BTBD9: variants seen among roughly 807,000 people sequenced by gnomAD.
BTBD9 encodes BTB domain containing 9.
In BTBD9, 49 loss-of-function variants were observed where a neutral mutation model predicts 64.3. That is an observed-to-expected ratio of 0.76 (90% confidence interval 0.61 to 0.97). The LOEUF is 0.97. Ranked by LOEUF, BTBD9 falls within the 50% of genes least tolerant of loss-of-function variation. The probability of loss-of-function intolerance (pLI) is 0.00; values close to 1 mark genes in which losing one functional copy is unlikely to be tolerated. For synonymous variants in BTBD9, 260 were observed against 274.7 expected (o/e 0.95, Z 0.53); for missense variants, 598 against 762.1 (o/e 0.78, Z 2.53).
chr6:38,254,885 G>A lies in BTBD9; in HGVS notation c.1562+1524C>T, dbSNP rs979150192. Among the ~76,000 whole-genome samples the A allele has an allele frequency of 5.9e-5, 9 of 152,224 alleles. 1 individual carries two copies. The highest frequency in any genetic ancestry group is 4.1e-4 in the South Asian group (2 of 4,826). ...CAAAAAGTTAAACGCAGAGTTATCC[G>A]ATGACCCAGCAATTCTACTCTCAGA... On this transcript the variant is annotated intron_variant, in intron 9 of 10. Transcript: ENST00000481247.
intron 6 of BTBD9, among the ~76,000 whole-genome samples, chr6:38,434,099 A>T (rs1357036182): frequency 1.3e-5 from 2 of 152,038 alleles, no homozygotes; most frequent in Non-Finnish European, 1.5e-5. Flanking sequence ...CAAAGAAGAA[A>T]ATCAAAATAT....
At chr6:38,487,968 C>T (rs1365610814) in intron 6 of BTBD9, among the ~76,000 whole-genome samples, 2 of 152,080 alleles carry the variant, frequency 1.3e-5, no homozygotes, top group African/African-American at 2.4e-5. Flanking sequence ...AATGGGTGCA[C>T]AAAGTATGAA....
chr6:38,296,806 T>C (rs1296772452), intron 7 of BTBD9, among the ~76,000 whole-genome samples: 1 of 152,190 alleles, frequency 6.6e-6, no homozygotes, highest in Non-Finnish European at 1.5e-5. Context: ...AACATCGTTT[T>C]TCAAGTTGTC....
At chr6:38,485,048 A>G (rs562251363) in intron 6 of BTBD9, among the ~76,000 whole-genome samples, 9 of 152,332 alleles carry the variant, frequency 5.9e-5, no homozygotes, top group African/African-American at 9.6e-5. Context: ...CTCAAACCCT[A>G]CTACTGCTTT....
intron 9 of BTBD9, among the ~76,000 whole-genome samples, chr6:38,205,888 A>AAAAAAAAAAAAG (rs1329275394): frequency 6.9e-6 from 1 of 144,500 alleles, no homozygotes; most frequent in African/African-American, 2.6e-5. Flanking sequence ...TCAAAAAAAA[A>AAAAAAAAAAAAG]AAAGAAAGAA....
At chr6:38,207,714 C>T (rs1209426250) in intron 9 of BTBD9, among the ~76,000 whole-genome samples, 5 of 152,026 alleles carry the variant, frequency 3.3e-5, no homozygotes, top group Admixed American at 2.6e-4. Flanking sequence ...AATATATATA[C>T]TTGTTTATGC....
chr6:38,600,609 A>G (rs1777206489), intron 1 of BTBD9, among the ~76,000 whole-genome samples: 2 of 151,574 alleles, frequency 1.3e-5, no homozygotes, highest in South Asian at 2.1e-4. Flanking sequence ...TTCCTGGCTG[A>G]AAAAAAATGC....
intron 6 of BTBD9, among the ~76,000 whole-genome samples, chr6:38,440,559 A>G (rs975129014): frequency 6.6e-6 from 1 of 152,300 alleles, no homozygotes; most frequent in Middle Eastern, 3.4e-3. Context: ...ACTTCTGGAC[A>G]ACTTTCTTTT....
chr6:38,630,265 TTTTTG>T (rs1185946658), intron 1 of BTBD9, among the ~76,000 whole-genome samples: 1 of 152,116 alleles, frequency 6.6e-6, no homozygotes. Context: ...CATGGCTGGT[TTTTTG>T]TTTTGTTTCA....
chr6:38,398,221 A>C (rs1340761547), intron 6 of BTBD9, among the ~76,000 whole-genome samples: 1 of 152,234 alleles, frequency 6.6e-6, no homozygotes, highest in Non-Finnish European at 1.5e-5. Flanking sequence ...GCACAATTTT[A>C]AAAACACTAT....
Position 38,629,600 on chromosome 6 carries a change from G to A in BTBD9, c.-28+10200C>T, listed in dbSNP as rs560479194. Among the ~76,000 whole-genome samples the A allele has an allele frequency of 1.5e-4, 23 of 152,158 alleles. No individual in the cohort carries two copies. The South Asian group carries it at 4.8e-3, about 32-fold the overall frequency. The stretch of plus-strand genomic sequence containing the variant: ...GCACTTTGGGAGGCCGAGGCAGGAG[G>A]ATCACGAGGTCAAGAGTTCTAGACC... On this transcript the variant is annotated intron_variant, in intron 1 of 10. Transcript: ENST00000481247.
intron 9 of BTBD9, chr6:38,193,834 A>G (rs530245829): frequency 8.1e-6 from 8 of 985,308 alleles, no homozygotes; most frequent in Non-Finnish European, 9.6e-6. Flanking sequence ...CTTTGGTTTC[A>G]GGTGTTCCAT....
chr6:38,626,895 C>T (rs973469320), intron 1 of BTBD9, among the ~76,000 whole-genome samples: 3 of 152,162 alleles, frequency 2.0e-5, no homozygotes, highest in African/African-American at 7.2e-5. Flanking sequence ...AGAGAATTAA[C>T]CTTCCTTAAA....
At chr6:38,368,963 A>G (rs916146326) in intron 6 of BTBD9, among the ~76,000 whole-genome samples, 2 of 152,164 alleles carry the variant, frequency 1.3e-5, no homozygotes, top group African/African-American at 2.4e-5. Context: ...CAATTGTCCA[A>G]TTCTGAATTC....
intron 5 of BTBD9, among the ~76,000 whole-genome samples, chr6:38,579,034 A>T (rs1345119235): frequency 6.6e-6 from 1 of 152,238 alleles, no homozygotes; most frequent in Non-Finnish European, 1.5e-5. Flanking sequence ...TGTTATAATT[A>T]ATCAGAGACT....
chr6:38,500,089 T>C (rs2127399523), intron 6 of BTBD9, among the ~76,000 whole-genome samples: 1 of 152,318 alleles, frequency 6.6e-6, no homozygotes, highest in East Asian at 1.9e-4. Context: ...ACTTTCCATG[T>C]GGCAATGGAA....
chr6:38,553,854 T>TAA (rs879386136), intron 6 of BTBD9, among the ~76,000 whole-genome samples: 2 of 141,422 alleles, frequency 1.4e-5, no homozygotes, highest in Admixed American at 7.1e-5. Context: ...CCTTGTCCCT[T>TAA]AAAAAAAAAA....
intron 6 of BTBD9, among the ~76,000 whole-genome samples, chr6:38,475,953 T>C (rs1021788786): frequency 6.6e-6 from 1 of 152,176 alleles, no homozygotes; most frequent in African/African-American, 2.4e-5. Flanking sequence ...GTCTGTTCTA[T>C]GGCAGCTCCC....
chr6:38,198,424 T>A (rs935767604), intron 9 of BTBD9, among the ~76,000 whole-genome samples: 1 of 152,130 alleles, frequency 6.6e-6, no homozygotes, highest in Non-Finnish European at 1.5e-5. Context: ...CGTGAGTGGC[T>A]CTGGATGATA....
Sources: gnomAD v4.1 joint callset for allele counts (sites outside exome capture counted in the v4.1 genomes callset) on GRCh38, gnomAD v4.1.1 for gene constraint, MANE v1.5 for transcripts, NCBI Gene and HGNC (gene_info 2026-07-23, HGNC 2026-07-21) for gene names.